ZNF609: variants seen among roughly 807,000 people sequenced by gnomAD.
The protein encoded by ZNF609 is zinc finger protein 609.
In ZNF609, 11 loss-of-function variants were observed where a neutral mutation model predicts 109.5. The observed-to-expected ratio is 0.10, with a 90% CI of 0.06 to 0.17. ZNF609 has a LOEUF of 0.17. ZNF609 is among the 10% of genes least tolerant of loss of function. The pLI, the probability that ZNF609 is intolerant of heterozygous loss-of-function variation, is 1.00. For synonymous variants in ZNF609, 646 were observed against 662.0 expected (o/e 0.98, Z 0.37); for missense variants, 1,559 against 1,772.4 (o/e 0.88, Z 2.16).
intron 1 of ZNF609, among the ~76,000 whole-genome samples, chr15:64,487,276 T>C (rs1424718668): frequency 6.6e-6 from 1 of 152,204 alleles, no homozygotes; most frequent in East Asian, 1.9e-4. Flanking sequence ...TAGCCTAATC[T>C]GTGGTGATTA....
At chr15:64,495,507 C>T (rs930580031) in intron 1 of ZNF609, among the ~76,000 whole-genome samples, 1 of 152,074 alleles carries the variant, frequency 6.6e-6, no homozygotes, top group African/African-American at 2.4e-5. Context: ...AATTCTCCTG[C>T]CTCAGCCTCC....
In ZNF609 at chr15:64,684,233, C is replaced by T. The variant is rs745807045; in HGVS notation, c.*2547C>T. 2.0e-5 allele frequency: 3 copies of T among 152,204 alleles called. No individual in the cohort carries two copies. The highest frequency in any genetic ancestry group is 2.9e-5 in the Non-Finnish European group (2 of 68,062). The allele number at this position is 152,204 out of a possible 1,614,324, so 9.4% of individuals were successfully genotyped here. A position where few individuals can be genotyped will look rare whatever the true frequency, so the allele number is the denominator to read the frequency against. ...TGGGAGCTACCTGTGGCATCCATGA[C>T]CTAGTCAGAGGGATGAGATGCTCAG... On this transcript the variant is annotated 3_prime_UTR_variant, in exon 10 of 10. Transcript: ENST00000326648.
intron 1 of ZNF609, among the ~76,000 whole-genome samples, chr15:64,477,144 T>C (rs1893183621): frequency 6.8e-6 from 1 of 146,354 alleles, no homozygotes; most frequent in Non-Finnish European, 1.5e-5. Flanking sequence ...TTCTTTTTTT[T>C]TTTTTTTTTT....
intron 2 of ZNF609, among the ~76,000 whole-genome samples, chr15:64,607,304 A>G (rs762770787): frequency 1.4e-4 from 22 of 152,098 alleles, no homozygotes; most frequent in Non-Finnish European, 3.2e-4. Flanking sequence ...CATTATCTGT[A>G]AAACAACACA....
At chr15:64,625,933 A>G (rs1475592145) in intron 3 of ZNF609, among the ~76,000 whole-genome samples, 2 of 55,270 alleles carry the variant, frequency 3.6e-5, no homozygotes, top group East Asian at 1.5e-3. Flanking sequence ...ATATATATAT[A>G]TATAGAGAGA....
intron 2 of ZNF609, among the ~76,000 whole-genome samples, chr15:64,543,521 G>A (rs1165306959): frequency 2.0e-5 from 3 of 150,126 alleles, no homozygotes; most frequent in Non-Finnish European, 4.4e-5. Flanking sequence ...TCGGCTCACT[G>A]CAACCTCCAC....
intron 1 of ZNF609, among the ~76,000 whole-genome samples, chr15:64,493,689 A>G (rs967279319): frequency 2.6e-5 from 4 of 152,218 alleles, no homozygotes; most frequent in Non-Finnish European, 5.9e-5. Context: ...AGAAGGAGAG[A>G]AAAGAAAGGA....
intron 5 of ZNF609, among the ~76,000 whole-genome samples, chr15:64,677,013 A>G (rs1896819253): frequency 6.6e-6 from 1 of 151,952 alleles, no homozygotes; most frequent in African/African-American, 2.4e-5. Context: ...TCGGCCTCCC[A>G]AAGTACCTGG....
At chr15:64,666,659 C>A (rs1375617914) in intron 3 of ZNF609, among the ~76,000 whole-genome samples, 1 of 151,598 alleles carries the variant, frequency 6.6e-6, no homozygotes, top group East Asian at 2.0e-4. Context: ...CTACAGGCGC[C>A]CACCACCACG....
chr15:64,642,871 A>G (rs1023560664), intron 3 of ZNF609, among the ~76,000 whole-genome samples: 1 of 152,150 alleles, frequency 6.6e-6, no homozygotes, highest in Non-Finnish European at 1.5e-5. Context: ...GATAACAACT[A>G]TGCACCAATT....
At chr15:64,630,298 C>T (rs1012571934) in intron 3 of ZNF609, among the ~76,000 whole-genome samples, 5 of 151,924 alleles carry the variant, frequency 3.3e-5, no homozygotes, top group African/African-American at 1.2e-4. Context: ...TCTCGAACTC[C>T]TGACCTCAGG....
chr15:64,634,567 GA>G (rs1177357484), intron 3 of ZNF609, among the ~76,000 whole-genome samples: 4 of 152,154 alleles, frequency 2.6e-5, no homozygotes, highest in African/African-American at 9.7e-5. Context: ...ATTTGCACTA[GA>G]AAAGTAAGGT....
At position 64,683,405 on chromosome 15, in the gene ZNF609, A is replaced by ACCATCTGCAC. The variant is rs1184072849; in HGVS notation, c.*1727_*1728insACCCATCTGC. On this transcript the variant is annotated 3_prime_UTR_variant, in exon 10 of 10. Transcript: ENST00000326648. ...CCCTACACTTGAGAGGCTTAGGGTCACCATCTGCTCAAGAGGATCCCCTCT... is the reference window on the plus strand; with the variant it reads ...CCCTACACTTGAGAGGCTTAGGGTCACCATCTGCACCCATCTGCTCAAGAGGATCCCCTCT... The ACCATCTGCAC allele has an allele frequency of 2.0e-5, 3 of 152,656 alleles. No individual in the cohort carries two copies. Among genetic ancestry groups the ACCATCTGCAC allele is most frequent in the African/African-American group, 4.8e-5 (2 of 41,446 alleles). The allele number at this position is 152,656 out of a possible 1,614,324, so 9.5% of individuals were successfully genotyped here.
intron 2 of ZNF609, among the ~76,000 whole-genome samples, chr15:64,608,320 A>G (rs182457698): frequency 1.5e-3 from 225 of 152,248 alleles, no homozygotes; most frequent in African/African-American, 5.2e-3. Flanking sequence ...TGTATTTGTA[A>G]TACAGTACTC....
At chr15:64,476,137 A>C (rs1421469648) in intron 1 of ZNF609, among the ~76,000 whole-genome samples, 1 of 152,128 alleles carries the variant, frequency 6.6e-6, no homozygotes, top group African/African-American at 2.4e-5. Flanking sequence ...ACAGGAACCA[A>C]ATTGGTTCTG....
chr15:64,683,501 A>G lies in ZNF609; in HGVS notation c.*1815A>G, dbSNP rs1337398383. 1.3e-5 allele frequency: 2 copies of G among 152,650 alleles called. No individual in the cohort carries two copies. The highest frequency in any genetic ancestry group is 2.9e-5 in the Non-Finnish European group (2 of 68,168). 9.5% of individuals were successfully genotyped at this position (152,650 alleles called of 1,614,324 possible). On this transcript the variant is annotated 3_prime_UTR_variant, in exon 10 of 10. Transcript: ENST00000326648. ...CAAGTTGGGTTCTGAGTCCTCCCCA[A>G]AAACCATTGTTTTAGACCTCTTGGC...
chr15:64,653,880 G>A (rs1254127780), intron 3 of ZNF609, among the ~76,000 whole-genome samples: 1 of 152,104 alleles, frequency 6.6e-6, no homozygotes, highest in Non-Finnish European at 1.5e-5. Flanking sequence ...TAAAAAATTG[G>A]TAGCAAAGTC....
chr15:64,597,699 T>C (rs1293826139), intron 2 of ZNF609, among the ~76,000 whole-genome samples: 1 of 152,158 alleles, frequency 6.6e-6, no homozygotes, highest in Non-Finnish European at 1.5e-5. Flanking sequence ...GCTGCTTGGT[T>C]CTAGACAACC....
intron 1 of ZNF609, among the ~76,000 whole-genome samples, chr15:64,496,345 A>G (rs1243173445): frequency 6.6e-6 from 1 of 152,204 alleles, no homozygotes; most frequent in South Asian, 2.1e-4. Flanking sequence ...TTGTTTTTCT[A>G]GGGATAAAAC....
Sources: allele counts gnomAD v4.1 joint callset (sites outside exome capture counted in the v4.1 genomes callset), GRCh38; gene constraint gnomAD v4.1.1; transcripts MANE v1.5; gene names NCBI Gene and HGNC (gene_info 2026-07-23, HGNC 2026-07-21).